WDR70: variants seen among roughly 807,000 people sequenced by gnomAD.
The protein encoded by WDR70 is WD repeat-containing protein 70.
Under a neutral mutation model 88.6 loss-of-function variants are expected in WDR70, and 53 were observed. That is an observed-to-expected ratio of 0.60 (90% confidence interval 0.48 to 0.75). WDR70 has a LOEUF of 0.75. Ranked by LOEUF, WDR70 falls within the 30% of genes least tolerant of loss-of-function variation. The probability of loss-of-function intolerance (pLI) is 0.00; values close to 1 mark genes in which losing one functional copy is unlikely to be tolerated. For missense variants in WDR70, 610 were observed against 823.2 expected, an observed-to-expected ratio of 0.74 and a Z score of 3.17; for synonymous variants, 280 against 270.0, an observed-to-expected ratio of 1.04 and a Z score of -0.36.
chr5:37,480,149 A>C (rs41270333), intron 8 of WDR70, among the ~76,000 whole-genome samples, 162 bp downstream of exon 8: 24,724 of 152,248 alleles, frequency 0.16, 2,135 homozygotes, highest in South Asian at 0.27. Flanking sequence ...GTTCTGCTTC[A>C]TACAGTATCA....
At chr5:37,574,162 C>T (rs920735820) in intron 9 of WDR70, among the ~76,000 whole-genome samples, 1 of 152,174 alleles carries the variant, frequency 6.6e-6, no homozygotes, top group African/African-American at 2.4e-5. Flanking sequence ...ACTGGGACCT[C>T]TGGAGCAAAG....
At chr5:37,688,942 C>T (rs895577173) in intron 10 of WDR70, among the ~76,000 whole-genome samples, 17 of 152,212 alleles carry the variant, frequency 1.1e-4, no homozygotes, top group African/African-American at 2.4e-4. Context: ...CGAGGGAAGC[C>T]GTGACAGACT....
At chr5:37,675,165 T>C (rs1269570007) in intron 10 of WDR70, among the ~76,000 whole-genome samples, 1 of 152,092 alleles carries the variant, frequency 6.6e-6, no homozygotes, top group East Asian at 1.9e-4. Context: ...TGTGAAAATT[T>C]TCTCCCATTT....
chr5:37,642,500 A>G (rs566965740), intron 10 of WDR70, among the ~76,000 whole-genome samples: 3 of 152,184 alleles, frequency 2.0e-5, no homozygotes, highest in Admixed American at 6.5e-5. Context: ...ATCAGGGTAA[A>G]TGGGATATCC....
At chr5:37,612,320 G>T (rs1297401143) in intron 10 of WDR70, among the ~76,000 whole-genome samples, 1 of 152,040 alleles carries the variant, frequency 6.6e-6, no homozygotes, top group Non-Finnish European at 1.5e-5. Context: ...AATGTCTACT[G>T]CATAGTCCTA....
chr5:37,642,075 T>C (rs953180411), intron 10 of WDR70, among the ~76,000 whole-genome samples: 1 of 152,202 alleles, frequency 6.6e-6, no homozygotes, highest in African/African-American at 2.4e-5. Context: ...TTAGAGTGGG[T>C]ATCCTTTAAC....
At chr5:37,522,287 C>T (rs951020871) in intron 9 of WDR70, among the ~76,000 whole-genome samples, 12 of 151,662 alleles carry the variant, frequency 7.9e-5, no homozygotes, top group Non-Finnish European at 1.2e-4. Flanking sequence ...CTAGTTAACA[C>T]AGTGAAACCC....
At position 37,560,769 on chromosome 5, in the gene WDR70, G is replaced by A. The variant is rs547698942; in HGVS notation, c.917+44179G>A. On this transcript the variant is annotated intron_variant, in intron 9 of 17. Transcript: ENST00000265107. Reference sequence around the variant, plus strand: ...TCCCTGGACATCCTATTAGCTATTCGTCATTTATTTTATTACATGAACAGG... The same window carrying A: ...TCCCTGGACATCCTATTAGCTATTCATCATTTATTTTATTACATGAACAGG... Among the ~76,000 whole-genome samples, 5 of 149,816 alleles carry A rather than the reference G, an allele frequency of 3.3e-5. No individual in the cohort carries two copies. In the East Asian group the frequency reaches 5.9e-4, roughly 18 times the overall value.
chr5:37,443,460 C>A (rs1738344645), intron 7 of WDR70, 88 bp downstream of exon 7: 2 of 1,446,106 alleles, frequency 1.4e-6, no homozygotes, highest in African/African-American at 2.8e-5. Context: ...ATCCCATCTA[C>A]AATGATTTGT....
chr5:37,720,970 T>C (rs1298573389), intron 13 of WDR70, 145 bp from the exon 14 acceptor site: 2 of 680,094 alleles, frequency 2.9e-6, no homozygotes, highest in South Asian at 1.9e-5. Flanking sequence ...AACACAACTT[T>C]ATGGTTTAAA....
chr5:37,747,992 CACAA>C (rs1451206340), intron 17 of WDR70, among the ~76,000 whole-genome samples: 1 of 152,018 alleles, frequency 6.6e-6, no homozygotes, highest in African/African-American at 2.4e-5. Context: ...TATGAGAGGA[CACAA>C]ACAAATGGAA....
In WDR70 at chr5:37,552,723, T is replaced by A. The variant is rs188248093; in HGVS notation, c.917+36133T>A. On this transcript the variant is annotated intron_variant, in intron 9 of 17. Transcript: ENST00000265107. ...TCAGTTAAACTCCACAAACATTTTT[T>A]AAAAATATCTACTATTTTGGGTCGT... 6.4e-4 allele frequency among the ~76,000 whole-genome samples: 98 copies of A among 152,342 alleles called. No individual in the cohort carries two copies. The East Asian group carries it at 0.012, about 19-fold the overall frequency.
chr5:37,514,840 A>G (rs1413977555), intron 8 of WDR70, among the ~76,000 whole-genome samples: 4 of 151,754 alleles, frequency 2.6e-5, no homozygotes, highest in Non-Finnish European at 4.4e-5. Context: ...ACATGGTGAG[A>G]CCCCGTCTCT....
rs181998865 is a variant in WDR70, at chr5:37,462,545, G to A, written c.687-17289G>A. On this transcript the variant is annotated intron_variant, in intron 7 of 17. Coordinates refer to ENST00000265107, the MANE Select transcript of WDR70 (RefSeq NM_018034.4). ...TCTCGATCGCCTGACCTTGTGATCC[G>A]CCCGCCTCGGCCTCCCAAAGTGTTA... Among the ~76,000 whole-genome samples, 121 of 152,172 alleles carry A rather than the reference G, an allele frequency of 8.0e-4. 1 individual carries two copies. In the East Asian group the frequency reaches 0.022, roughly 28 times the overall value.
chr5:37,487,132 A>G (rs1425757687), intron 8 of WDR70, among the ~76,000 whole-genome samples: 1 of 152,238 alleles, frequency 6.6e-6, no homozygotes, highest in Non-Finnish European at 1.5e-5. Context: ...ACTATATGTT[A>G]TAATTACATA....
intron 17 of WDR70, among the ~76,000 whole-genome samples, chr5:37,748,252 C>T (rs1748691827): frequency 6.6e-6 from 1 of 152,124 alleles, no homozygotes; most frequent in Admixed American, 6.6e-5. Flanking sequence ...TACAAGGTTA[C>T]AGTAACCAAA....
At chr5:37,733,658 G>A (rs186984037) in intron 17 of WDR70, among the ~76,000 whole-genome samples, 1 of 143,994 alleles carries the variant, frequency 6.9e-6, no homozygotes, top group African/African-American at 2.6e-5. Context: ...ATGAGAATGT[G>A]TCTATCTATT....
At chr5:37,425,275 A>G (rs941338950) in intron 5 of WDR70, among the ~76,000 whole-genome samples, 2 of 152,208 alleles carry the variant, frequency 1.3e-5, no homozygotes, top group African/African-American at 4.8e-5. Context: ...GAAGATAAAT[A>G]TAAACAATAG....
chr5:37,410,208 T>G (rs1230127132), intron 5 of WDR70, among the ~76,000 whole-genome samples: 1 of 149,928 alleles, frequency 6.7e-6, no homozygotes, highest in Non-Finnish European at 1.5e-5. Context: ...TTTTTTTTTT[T>G]TTTTTTCTTT....
Sources: gnomAD v4.1 joint callset for allele counts (sites outside exome capture counted in the v4.1 genomes callset) on GRCh38, gnomAD v4.1.1 for gene constraint, MANE v1.5 for transcripts, NCBI Gene and HGNC (gene_info 2026-07-23, HGNC 2026-07-21) for gene names.